Variants in TSPAN5 observed in about 807,000 individuals in gnomAD.
TSPAN5 encodes tetraspanin-5.
A neutral mutation model predicts 37.1 loss-of-function variants in TSPAN5; 10 were observed. That is an observed-to-expected ratio of 0.27 (90% CI 0.17 to 0.46). The LOEUF (loss-of-function observed/expected upper bound fraction) is 0.46. Ranked by LOEUF, TSPAN5 falls within the 20% of genes least tolerant of loss-of-function variation. TSPAN5 has a pLI of 1.00. For synonymous variants in TSPAN5, 110 were observed against 118.9 expected (o/e 0.93, Z 0.48); for missense variants, 195 against 326.6 (o/e 0.60, Z 3.11).
intron 1 of TSPAN5, among the ~76,000 whole-genome samples, chr4:98,523,459 G>A (rs777841322): frequency 5.9e-5 from 9 of 152,042 alleles, no homozygotes; most frequent in Admixed American, 1.3e-4. Flanking sequence ...TTTTGAGACA[G>A]AGTCTCCGTC....
intron 1 of TSPAN5, among the ~76,000 whole-genome samples, chr4:98,538,697 T>C (rs1447236174): frequency 1.3e-5 from 2 of 152,260 alleles, no homozygotes; most frequent in African/African-American, 2.4e-5. Context: ...TTTTATGCTA[T>C]ACTTTGTATC....
chr4:98,647,367 GT>G (rs1757090062), intron 1 of TSPAN5, among the ~76,000 whole-genome samples: 1 of 152,198 alleles, frequency 6.6e-6, no homozygotes, highest in African/African-American at 2.4e-5. Context: ...GGAAATTTTT[GT>G]TGGAAGCACA....
At chr4:98,473,552 C>T (rs1033642753) in intron 7 of TSPAN5, among the ~76,000 whole-genome samples, 9 of 151,628 alleles carry the variant, frequency 5.9e-5, no homozygotes, top group Non-Finnish European at 8.8e-5. Flanking sequence ...CTCCGCTTCC[C>T]GGGTTCACGC....
At position 98,585,942 on chromosome 4, in the gene TSPAN5, T is replaced by C. The variant is rs758952537; in HGVS notation, c.81+72204A>G. On this transcript the variant is annotated intron_variant, in intron 1 of 7. Coordinates refer to ENST00000305798, the MANE Select transcript of TSPAN5 (RefSeq NM_005723.4). ...GTGGGAAGATGGGCTGAAATTTTGCTCTCTAGCTGCTAACTAAATCGTATT... is the reference window on the plus strand; with the variant it reads ...GTGGGAAGATGGGCTGAAATTTTGCCCTCTAGCTGCTAACTAAATCGTATT... 2.5e-3 allele frequency among the ~76,000 whole-genome samples: 386 copies of C among 152,330 alleles called. 4 individuals carry two copies. Among genetic ancestry groups the C allele is most frequent in the Non-Finnish European group, 2.8e-3 (190 of 68,026 alleles).
intron 1 of TSPAN5, among the ~76,000 whole-genome samples, chr4:98,554,244 T>C (rs2110159165): frequency 6.6e-6 from 1 of 152,282 alleles, no homozygotes; most frequent in South Asian, 2.1e-4. Flanking sequence ...AACATGTTCT[T>C]CCAACTCCTC....
intron 1 of TSPAN5, among the ~76,000 whole-genome samples, chr4:98,523,913 C>T (rs1395622607): frequency 6.6e-6 from 1 of 152,186 alleles, no homozygotes; most frequent in African/African-American, 2.4e-5. Context: ...CAAGCTGACA[C>T]TCTCAATTTT....
intron 1 of TSPAN5, among the ~76,000 whole-genome samples, chr4:98,558,050 G>A (rs915384513): frequency 1.3e-5 from 2 of 152,110 alleles, no homozygotes; most frequent in Admixed American, 6.6e-5. Context: ...GTCTGAATAA[G>A]GTACAAACTT....
At chr4:98,491,813 A>G (rs149719458) in intron 2 of TSPAN5, among the ~76,000 whole-genome samples, 1,572 of 152,214 alleles carry the variant, frequency 0.01, 31 homozygotes, top group African/African-American at 0.034. Context: ...GGACTTTTTA[A>G]TTTCATTCAG....
At chr4:98,500,148 G>T (rs1023319934) in intron 2 of TSPAN5, 1 of 152,150 alleles carries the variant, frequency 6.6e-6, no homozygotes, top group Non-Finnish European at 1.5e-5. Context: ...AGTCATCTGA[G>T]TAACCATTTT....
chr4:98,503,533 A>G (rs768198668), intron 2 of TSPAN5, among the ~76,000 whole-genome samples: 4 of 152,200 alleles, frequency 2.6e-5, no homozygotes, highest in Non-Finnish European at 5.9e-5. Context: ...TCCAGAATCA[A>G]TGAGTGAAAA....
chr4:98,564,222 T>C (rs1257727769), intron 1 of TSPAN5, among the ~76,000 whole-genome samples: 7 of 152,198 alleles, frequency 4.6e-5, no homozygotes, highest in African/African-American at 1.7e-4. Flanking sequence ...AAATGATACA[T>C]ACAGTTTACA....
At chr4:98,537,270 C>T (rs1754257771) in intron 1 of TSPAN5, among the ~76,000 whole-genome samples, 2 of 152,174 alleles carry the variant, frequency 1.3e-5, no homozygotes, top group Admixed American at 6.5e-5. Context: ...TTGCGCTTCC[C>T]GGGTGAGGTG....
rs75675889 is a variant in TSPAN5, at chr4:98,638,832, A to C, written c.81+19314T>G. Reference sequence around the variant, plus strand: ...GACTTTATTATTCACAGCATGATTCAGACAACACCAGCATCATGTTTACAT... The same window carrying C: ...GACTTTATTATTCACAGCATGATTCCGACAACACCAGCATCATGTTTACAT... On this transcript the variant is annotated intron_variant, in intron 1 of 7. Coordinates refer to ENST00000305798, the MANE Select transcript of TSPAN5 (RefSeq NM_005723.4). Among the ~76,000 whole-genome samples the C allele has an allele frequency of 1.7e-3, 253 of 152,370 alleles. 1 individual carries two copies. The highest frequency in any genetic ancestry group is 5.9e-3 in the African/African-American group (245 of 41,584).
intron 1 of TSPAN5, among the ~76,000 whole-genome samples, chr4:98,608,146 A>G (rs1756085039): frequency 6.6e-6 from 1 of 152,242 alleles, no homozygotes; most frequent in Non-Finnish European, 1.5e-5. Flanking sequence ...GTGTGAACGA[A>G]CAAAGTATCT....
At chr4:98,566,771 G>A (rs1755013138) in intron 1 of TSPAN5, among the ~76,000 whole-genome samples, 1 of 152,218 alleles carries the variant, frequency 6.6e-6, no homozygotes, top group African/African-American at 2.4e-5. Flanking sequence ...CAGCATAGCA[G>A]GGAAAACATG....
At chr4:98,635,210 C>T (rs185616003) in intron 1 of TSPAN5, among the ~76,000 whole-genome samples, 10 of 152,300 alleles carry the variant, frequency 6.6e-5, no homozygotes, top group Admixed American at 4.6e-4. Context: ...GCATTCAAAA[C>T]AATTTATGGA....
At chr4:98,638,092 C>T (rs558244367) in intron 1 of TSPAN5, among the ~76,000 whole-genome samples, 9 of 152,174 alleles carry the variant, frequency 5.9e-5, no homozygotes, top group Admixed American at 3.3e-4. Context: ...ACCACCCTTG[C>T]GCCTTGCCTC....
chr4:98,546,176 T>C (rs1261510304), intron 1 of TSPAN5, among the ~76,000 whole-genome samples: 1 of 152,166 alleles, frequency 6.6e-6, no homozygotes, highest in African/African-American at 2.4e-5. Flanking sequence ...CCAGAGCAGG[T>C]GGTAGGTCAG....
intron 1 of TSPAN5, among the ~76,000 whole-genome samples, chr4:98,579,467 C>T (rs1755320968): frequency 6.6e-6 from 1 of 152,138 alleles, no homozygotes; most frequent in South Asian, 2.1e-4. Flanking sequence ...ATTCATGGTT[C>T]TGTTTTTTAA....
Sources: allele counts gnomAD v4.1 joint callset (sites outside exome capture counted in the v4.1 genomes callset), GRCh38; gene constraint gnomAD v4.1.1; transcripts MANE v1.5; gene names NCBI Gene and HGNC (gene_info 2026-07-23, HGNC 2026-07-21).